The following DHTKD1 variants were observed in gnomAD, a reference collection of about 807,000 sequenced individuals.
The protein encoded by DHTKD1 is dehydrogenase E1 and transketolase domain containing 1, also known as 2-oxoadipate dehydrogenase complex component E1.
Under a neutral mutation model 101.8 loss-of-function variants are expected in DHTKD1, and 78 were observed. The observed-to-expected ratio is 0.77, with a 90% CI of 0.64 to 0.93. The LOEUF is 0.93. Ranked by LOEUF, DHTKD1 falls within the 40% of genes least tolerant of loss-of-function variation. The probability of loss-of-function intolerance (pLI) is 0.00; values close to 1 mark genes in which losing one functional copy is unlikely to be tolerated. For synonymous variants in DHTKD1, 462 were observed against 450.3 expected (o/e 1.03, Z -0.33); for missense variants, 1,223 against 1,161.7 (o/e 1.05, Z -0.77).
intron 1 of DHTKD1, among the ~76,000 whole-genome samples, chr10:12,076,689 T>C (rs1305074596): frequency 6.6e-6 from 1 of 151,788 alleles, no homozygotes; most frequent in African/African-American, 2.4e-5. Flanking sequence ...GACGGAGTTT[T>C]GCTGTGTCGC....
rs1273719376 is a variant in DHTKD1 at position 12,100,317 on chromosome 10, G to T, written c.1756+55G>T. On this transcript the variant is annotated intron_variant, in intron 9 of 16. Transcript: ENST00000263035. The stretch of plus-strand genomic sequence containing the variant: ...TTTTTTTTTTGAGTCTCACCCTGTC[G>T]CCCAGGCTGGAATGCAGTGGTGCGA... 1.4e-4 allele frequency: 37 copies of T among 255,426 alleles called. No individual in the cohort carries two copies. In the African/African-American group the frequency reaches 2.0e-3, roughly 14 times the overall value. The allele number at this position is 255,426 out of a possible 1,614,324, so 15.8% of individuals were successfully genotyped here. A position where few individuals can be genotyped will look rare whatever the true frequency, so the allele number is the denominator to read the frequency against.
rs183041890 is a variant in DHTKD1 at position 12,103,968 on chromosome 10, A to G, written c.1897-2278A>G. Among the ~76,000 whole-genome samples the G allele has an allele frequency of 2.2e-3, 329 of 152,260 alleles. No individual in the cohort carries two copies. The highest frequency in any genetic ancestry group is 7.6e-3 in the African/African-American group (316 of 41,552). On this transcript the variant is annotated intron_variant, in intron 10 of 16. Coordinates refer to ENST00000263035, the MANE Select transcript of DHTKD1 (RefSeq NM_018706.7). This position sits in a 1 kb window ranked among gnomAD's most constrained non-coding sequence, Gnocchi z 4.8. Reference sequence around the variant, plus strand: ...AATTTTAGAACATTTTCATTACCCTAGAAAGCAAGCCCATGCCCGTTAGCA... The same window carrying G: ...AATTTTAGAACATTTTCATTACCCTGGAAAGCAAGCCCATGCCCGTTAGCA...
chr10:12,083,284 CA>C (rs35550855), intron 2 of DHTKD1, among the ~76,000 whole-genome samples: 71,716 of 151,562 alleles, frequency 0.47, 19,080 homozygotes, highest in South Asian at 0.72. Flanking sequence ...TAATGAGCTG[CA>C]AAAAAAAATC....
Position 12,090,926 on chromosome 10 carries a change from C to T in DHTKD1, c.988-587C>T, listed in dbSNP as rs891481413. 1.2e-4 allele frequency among the ~76,000 whole-genome samples: 18 copies of T among 152,016 alleles called. 1 individual carries two copies. Among genetic ancestry groups the T allele is most frequent in the African/African-American group, 4.1e-4 (17 of 41,398 alleles). On this transcript the variant is annotated intron_variant, in intron 5 of 16. Transcript: ENST00000263035. ...CTGATCTTAAGATTGTGGTGGCGGGCGCCTGTAGTCCCAGCTACTCGGGAG... is the reference window on the plus strand; with the variant it reads ...CTGATCTTAAGATTGTGGTGGCGGGTGCCTGTAGTCCCAGCTACTCGGGAG...
In DHTKD1 at chr10:12,118,821, C is replaced by A. The variant is rs962169043; in HGVS notation, c.2475C>A (p.Ala825=). 2.5e-6 allele frequency: 4 copies of A among 1,608,674 alleles called. No individual in the cohort carries two copies. Among genetic ancestry groups the A allele is most frequent in the Non-Finnish European group, 3.4e-6 (4 of 1,177,898 alleles). ...TGAAACAAAGAGAATCTCTGGGGGC[C>A]AAGAAGCATGACTTTGCCATCATCC... The part of the protein sequence containing the change: ...SLVKQRESLG[A]KKHDFAIIRV... Residue 825 remains alanine (A), a synonymous_variant, in exon 15 of 17, where the codon GCC becomes GCA. Coordinates refer to ENST00000263035, the MANE Select transcript of DHTKD1 (RefSeq NM_018706.7).
chr10:12,081,477 C>A lies in DHTKD1; in HGVS notation c.160C>A (p.His54Asn). Residue 54 changes from histidine (H) to asparagine (N), a missense_variant, in exon 2 of 17, where the codon CAT (histidine) becomes AAT (asparagine). Coordinates refer to ENST00000263035, the MANE Select transcript of DHTKD1 (RefSeq NM_018706.7). ...QGALERPPVD[H>N]GLARLVTVYC... The stretch of plus-strand genomic sequence containing the variant: ...TAAATTTTCCCCTGATTTAGTTGAT[C>A]ATGGCCTTGCCAGGTTGGTGACAGT... 1 of 1,613,962 alleles carries A rather than the reference C, an allele frequency of 6.2e-7. No individual in the cohort carries two copies. Among genetic ancestry groups the A allele is most frequent in the South Asian group, 1.1e-5 (1 of 91,062 alleles).
intron 15 of DHTKD1, among the ~76,000 whole-genome samples, chr10:12,119,349 C>T (rs1260959824): frequency 2.6e-5 from 4 of 151,006 alleles, no homozygotes; most frequent in South Asian, 2.1e-4. Flanking sequence ...GGCGCGGTGC[C>T]TCACGCCTGT....
chr10:12,094,619 G>A (rs1833041669), intron 7 of DHTKD1, among the ~76,000 whole-genome samples: 1 of 152,144 alleles, frequency 6.6e-6, no homozygotes, highest in Non-Finnish European at 1.5e-5. Context: ...TTACAGGCAT[G>A]AGCCACCATG....
At chr10:12,086,513 C>T (rs1832901602) in intron 3 of DHTKD1, among the ~76,000 whole-genome samples, 1 of 151,876 alleles carries the variant, frequency 6.6e-6, no homozygotes. Flanking sequence ...GCCACCGCGC[C>T]CAGCCTAAAA....
rs2399771 is a variant in DHTKD1 at position 12,117,648 on chromosome 10, A to G, written c.2320-25A>G. The stretch of plus-strand genomic sequence containing the variant: ...ATCACCTCTTTCTGTTGCTTGCTGG[A>G]TGTGTGGCCTCTTCTCCCTCGTAGG... On this transcript the variant is annotated intron_variant, in intron 13 of 16. Coordinates refer to ENST00000263035, the MANE Select transcript of DHTKD1 (RefSeq NM_018706.7). The G allele has an allele frequency of 0.99, 1,412,822 of 1,425,266 alleles. 700,923 individuals carry two copies. Among genetic ancestry groups the G allele is most frequent in the East Asian group, 1 (42,914 of 42,914 alleles). 88.3% of individuals were successfully genotyped at this position (1,425,266 alleles called of 1,614,324 possible).
At chr10:12,070,816 G>C (rs1010585950) in intron 1 of DHTKD1, among the ~76,000 whole-genome samples, 1 of 152,112 alleles carries the variant, frequency 6.6e-6, no homozygotes, top group Non-Finnish European at 1.5e-5. Context: ...TTGCAGAGCC[G>C]AATTCCCCTT....
intron 7 of DHTKD1, among the ~76,000 whole-genome samples, chr10:12,095,096 G>C (rs1833048158): frequency 6.6e-6 from 1 of 152,178 alleles, no homozygotes; most frequent in Admixed American, 6.6e-5. Context: ...GAACCTCAGT[G>C]ATTCATTTCT....
At position 12,107,794 on chromosome 10, in the gene DHTKD1, A is replaced by G. The variant is rs1478831885; in HGVS notation, c.2048-115A>G. ...CAGTTCTAGAAGGTGCATGTAATGA[A>G]AGCAGTTTTGGGGGGCCAGGCAGAA... On this transcript the variant is annotated intron_variant, in intron 11 of 16. Transcript: ENST00000263035. The surrounding 1 kb of genome is among the most constrained non-coding windows in gnomAD (Gnocchi z 4.1). 1 of 668,028 alleles carries G rather than the reference A, an allele frequency of 1.5e-6. No individual in the cohort carries two copies. The highest frequency in any genetic ancestry group is 2.7e-5 in the East Asian group (1 of 36,830). 41.4% of individuals were successfully genotyped at this position (668,028 alleles called of 1,614,324 possible). A position where few individuals can be genotyped will look rare whatever the true frequency, so the allele number is the denominator to read the frequency against.
chr10:12,092,230 G>C (rs1450991572), intron 6 of DHTKD1, among the ~76,000 whole-genome samples: 8 of 151,960 alleles, frequency 5.3e-5, no homozygotes, highest in Admixed American at 5.3e-4. Flanking sequence ...TGATCTGCCT[G>C]CTTAGGCCTC....
intron 15 of DHTKD1, 136 bp downstream of exon 15, chr10:12,119,054 C>T (rs952330725): frequency 7.9e-6 from 6 of 762,800 alleles, no homozygotes; most frequent in Non-Finnish European, 1.1e-5. Flanking sequence ...CACCTGTAAT[C>T]CTGGCACTTT....
intron 1 of DHTKD1, among the ~76,000 whole-genome samples, chr10:12,075,623 C>G (rs955099700): frequency 6.6e-6 from 1 of 152,160 alleles, no homozygotes; most frequent in Non-Finnish European, 1.5e-5. Flanking sequence ...GGTCCTCCTG[C>G]CCCAGCCTCC....
chr10:12,097,843 G>A lies in DHTKD1; in HGVS notation c.1518G>A (p.Gln506=). 6.2e-7 allele frequency: 1 copy of A among 1,614,190 alleles called. No individual in the cohort carries two copies. The part of the protein sequence containing the change: ...AHYRPPALNL[Q]AHWQGLAQPE... ...ACAGGCCCCCTGCCCTGAACCTGCA[G>A]GCCCACTGGCAGGGCCTGGCTCAGC... The change falls in exon 8 of 17, where the codon CAG becomes CAA. Residue 506 remains glutamine (Q), a synonymous_variant. Coordinates refer to ENST00000263035, the MANE Select transcript of DHTKD1 (RefSeq NM_018706.7).
chr10:12,111,955 G>A (rs752149982), intron 12 of DHTKD1, among the ~76,000 whole-genome samples: 5 of 152,064 alleles, frequency 3.3e-5, no homozygotes, highest in African/African-American at 4.8e-5. Flanking sequence ...AGAAAGTGGG[G>A]ATTAACTAGG....
At position 12,079,103 on chromosome 10, in the gene DHTKD1, T is replaced by G. The variant is rs533939989; in HGVS notation, c.155-2369T>G. ...TACCAATATTTTATGTATTTTATTT[T>G]TTAGATATGGGATCTTGCTCTCTCA... is the stretch of plus-strand genomic sequence containing the variant. On this transcript the variant is annotated intron_variant, in intron 1 of 16. Coordinates refer to ENST00000263035, the MANE Select transcript of DHTKD1 (RefSeq NM_018706.7). Among the ~76,000 whole-genome samples, 4 of 152,238 alleles carry G rather than the reference T, an allele frequency of 2.6e-5. No homozygotes were observed. In the South Asian group the frequency reaches 6.2e-4, roughly 24 times the overall value.
Sources: allele counts gnomAD v4.1 joint callset (sites outside exome capture counted in the v4.1 genomes callset), GRCh38; gene constraint gnomAD v4.1.1; non-coding constraint Gnocchi (gnomAD v3.1); transcripts MANE v1.5; gene names NCBI Gene and HGNC (gene_info 2026-07-23, HGNC 2026-07-21).